The following PLCB4 variants were observed in gnomAD, a reference collection of about 807,000 sequenced individuals.
PLCB4 encodes 1-phosphatidylinositol 4,5-bisphosphate phosphodiesterase beta-4.
A neutral mutation model predicts 178.8 loss-of-function variants in PLCB4; 77 were observed. The ratio of observed to expected loss-of-function variants is 0.43; its 90% CI spans 0.36 to 0.52. The LOEUF is 0.52. PLCB4 is among the 20% of genes least tolerant of loss of function. The pLI is 0.00. For missense variants in PLCB4, 1,024 were observed against 1,453.4 expected, an observed-to-expected ratio of 0.70 and a Z score of 4.80; for synonymous variants, 496 against 490.8, an observed-to-expected ratio of 1.01 and a Z score of -0.14.
chr20:9,419,346 G>A (rs981113015), intron 25 of PLCB4, among the ~76,000 whole-genome samples: 1 of 152,058 alleles, frequency 6.6e-6, no homozygotes, highest in Admixed American at 6.5e-5. Context: ...TATTGTTACA[G>A]CTGTCTCAAA....
At chr20:9,255,931 C>CATAT (rs138284966) in intron 3 of PLCB4, among the ~76,000 whole-genome samples, 45 of 150,248 alleles carry the variant, frequency 3.0e-4, no homozygotes, top group Non-Finnish European at 5.5e-4. Context: ...TATTGCATAA[C>CATAT]ATATATATAT....
chr20:9,123,282 T>A (rs895794153), intron 2 of PLCB4, among the ~76,000 whole-genome samples: 1 of 152,120 alleles, frequency 6.6e-6, no homozygotes, highest in Admixed American at 6.5e-5. Context: ...AAAATCTGTG[T>A]ACTTTGAAAA....
intron 2 of PLCB4, among the ~76,000 whole-genome samples, chr20:9,159,961 G>A (rs930259942): frequency 6.6e-6 from 1 of 152,174 alleles, no homozygotes; most frequent in African/African-American, 2.4e-5. Context: ...TTTTAGGCCT[G>A]TTTAGTTGCC....
intron 2 of PLCB4, chr20:9,166,648 G>C (rs1356474924): frequency 6.6e-6 from 1 of 152,244 alleles, no homozygotes; most frequent in Non-Finnish European, 1.5e-5. Flanking sequence ...GCTCTCCAGT[G>C]CCTGTTTCTG....
intron 3 of PLCB4, among the ~76,000 whole-genome samples, chr20:9,270,059 A>T (rs1257588005): frequency 6.6e-6 from 1 of 152,082 alleles, no homozygotes; most frequent in South Asian, 2.1e-4. Context: ...ATACAGTATT[A>T]AAAAAATGGG....
At chr20:9,321,877 C>T (rs1056506441) in intron 4 of PLCB4, among the ~76,000 whole-genome samples, 2 of 152,018 alleles carry the variant, frequency 1.3e-5, no homozygotes, top group South Asian at 2.1e-4. Context: ...CATGATCTGC[C>T]TGCCTCAGCC....
intron 4 of PLCB4, among the ~76,000 whole-genome samples, chr20:9,320,385 ACTTT>A (rs1488011005): frequency 6.6e-6 from 1 of 152,184 alleles, no homozygotes; most frequent in Non-Finnish European, 1.5e-5. Context: ...ACCAGAGGTC[ACTTT>A]CTTCTAGCCA....
At chr20:9,145,068 C>A (rs2092573271) in intron 2 of PLCB4, among the ~76,000 whole-genome samples, 1 of 152,070 alleles carries the variant, frequency 6.6e-6, no homozygotes, top group Non-Finnish European at 1.5e-5. Flanking sequence ...TGTTTGCACT[C>A]ATTTCTGTCC....
intron 12 of PLCB4, among the ~76,000 whole-genome samples, chr20:9,379,675 G>A (rs1602231736): frequency 6.6e-6 from 1 of 152,044 alleles, no homozygotes; most frequent in Non-Finnish European, 1.5e-5. Context: ...ATTTTGGGGG[G>A]TTGGTGTTTG....
At chr20:9,121,573 T>C (rs1050080745) in intron 2 of PLCB4, among the ~76,000 whole-genome samples, 3 of 152,324 alleles carry the variant, frequency 2.0e-5, no homozygotes, top group South Asian at 2.1e-4. Context: ...GGCCAGTTAC[T>C]GAACACACCG....
At chr20:9,244,143 G>C (rs2224361) in intron 3 of PLCB4, among the ~76,000 whole-genome samples, 6 of 152,080 alleles carry the variant, frequency 3.9e-5, no homozygotes, top group Non-Finnish European at 5.9e-5. Context: ...ATGTTATTCT[G>C]TGGTCGTATT....
intron 1 of PLCB4, among the ~76,000 whole-genome samples, chr20:9,074,806 TTAAACAAAACA>T (rs1175576512): frequency 0.029 from 2,859 of 100,280 alleles, 109 homozygotes; most frequent in African/African-American, 0.094. Flanking sequence ...TTTTTTTTTT[TTAAACAAAACA>T]AAACAAAACA....
chr20:9,085,386 A>T (rs2090363533), intron 1 of PLCB4, among the ~76,000 whole-genome samples: 1 of 152,158 alleles, frequency 6.6e-6, no homozygotes, highest in Non-Finnish European at 1.5e-5. Flanking sequence ...TCAAATTTTA[A>T]ATCAGACATG....
intron 9 of PLCB4, among the ~76,000 whole-genome samples, chr20:9,369,233 A>G (rs2036035536): frequency 6.6e-6 from 1 of 152,150 alleles, no homozygotes; most frequent in Admixed American, 6.5e-5. Flanking sequence ...TCGTTATGCC[A>G]GGCATGTCCA....
intron 4 of PLCB4, among the ~76,000 whole-genome samples, chr20:9,308,440 A>G (rs555616340): frequency 6.6e-6 from 1 of 152,268 alleles, no homozygotes; most frequent in South Asian, 2.1e-4. Context: ...TGGGCCACCA[A>G]TCTGTTCAGA....
intron 13 of PLCB4, among the ~76,000 whole-genome samples, chr20:9,383,725 T>C (rs529391410): frequency 6.6e-6 from 1 of 152,372 alleles, no homozygotes; most frequent in South Asian, 2.1e-4. Flanking sequence ...GTGAGAACAA[T>C]GTCTTATAAT....
chr20:9,217,165 A>G (rs1265515577), intron 2 of PLCB4, among the ~76,000 whole-genome samples: 1 of 152,186 alleles, frequency 6.6e-6, no homozygotes, highest in Non-Finnish European at 1.5e-5. Context: ...AGCATTGTAG[A>G]GAGAGTGTAT....
intron 13 of PLCB4, among the ~76,000 whole-genome samples, chr20:9,382,360 CT>C (rs774390123): frequency 5.9e-5 from 9 of 152,174 alleles, no homozygotes; most frequent in Non-Finnish European, 1.2e-4. Flanking sequence ...CAGAGTAAAC[CT>C]TTTAAAACCA....
intron 3 of PLCB4, among the ~76,000 whole-genome samples, chr20:9,255,343 G>C (rs1057380183): frequency 6.6e-6 from 1 of 152,134 alleles, no homozygotes. Flanking sequence ...TTTATTCCTT[G>C]AGGCCCTCAG....
Sources: gnomAD v4.1 joint callset for allele counts (sites outside exome capture counted in the v4.1 genomes callset) on GRCh38, gnomAD v4.1.1 for gene constraint, MANE v1.5 for transcripts, NCBI Gene and HGNC (gene_info 2026-07-23, HGNC 2026-07-21) for gene names.